Variants in FNDC3A observed in about 807,000 individuals in gnomAD.
The protein encoded by FNDC3A is fibronectin type III domain containing 3A.
Under a neutral mutation model 148.9 loss-of-function variants are expected in FNDC3A, and 32 were observed. That is an observed-to-expected ratio of 0.21 (90% confidence interval 0.16 to 0.29). FNDC3A has a LOEUF of 0.29. Ranked by LOEUF, FNDC3A falls within the 10% of genes least tolerant of loss-of-function variation. The probability of loss-of-function intolerance (pLI) is 1.00; values close to 1 mark genes in which losing one functional copy is unlikely to be tolerated. For missense variants in FNDC3A, 1,191 were observed against 1,452.8 expected (o/e 0.82, Z 2.93); for synonymous variants, 472 against 473.6 (o/e 1.00, Z 0.04).
At chr13:49,201,166 A>T (rs1336120143) in intron 23 of FNDC3A, 1 of 305,150 alleles carries the variant, frequency 3.3e-6, no homozygotes, top group Admixed American at 3.9e-5. Context: ...GATGCATTCA[A>T]CTTATAGATA....
chr13:49,006,239 G>A lies in FNDC3A; in HGVS notation c.49G>A (p.Asp17Asn), dbSNP rs1952218451. 2 of 1,610,138 alleles carry A rather than the reference G, an allele frequency of 1.2e-6. No individual in the cohort carries two copies. Among genetic ancestry groups the A allele is most frequent in the Non-Finnish European group, 1.7e-6 (2 of 1,177,140 alleles). ...LLDTTQILSSDISLLSAPIVS... is the reference protein window; with the variant it reads ...LLDTTQILSSNISLLSAPIVS... ...GGATACAACTCAGATCTTAAGTAGT[G>A]ATATTTCTCTTTTGTCTGCCCCTAT... The change falls in exon 2 of 26, where the codon GAT becomes AAT. Residue 17 changes from aspartate (D) to asparagine (N), a missense_variant. This residue lies in a region of FNDC3A where 426 missense variants were observed against 473.2 expected (regional missense o/e 0.90). Transcript: ENST00000492622.
At chr13:49,134,841 C>CT (rs1168216037) in intron 5 of FNDC3A, among the ~76,000 whole-genome samples, 1,286 of 2,634 alleles carry the variant, frequency 0.49, 573 homozygotes, top group South Asian at 0.58. Flanking sequence ...GAGTTTCACT[C>CT]TTTTTTTTTT....
At chr13:48,993,782 A>C (rs1400344627) in intron 1 of FNDC3A, among the ~76,000 whole-genome samples, 5 of 152,198 alleles carry the variant, frequency 3.3e-5, no homozygotes, top group Non-Finnish European at 7.3e-5. Context: ...CAGTTATTTC[A>C]GCTTTTCTGT....
chr13:49,009,942 C>T (rs931284361), intron 2 of FNDC3A, among the ~76,000 whole-genome samples: 2 of 152,102 alleles, frequency 1.3e-5, no homozygotes, highest in Non-Finnish European at 2.9e-5. Context: ...TATAACTTCC[C>T]GTCTCATTTG....
chr13:49,173,233 T>C (rs1884855323), intron 11 of FNDC3A, among the ~76,000 whole-genome samples: 1 of 152,140 alleles, frequency 6.6e-6, no homozygotes, highest in South Asian at 2.1e-4. Context: ...TGGAAGAAAT[T>C]CCATTGATAA....
intron 1 of FNDC3A, among the ~76,000 whole-genome samples, chr13:48,982,646 CA>C (rs1346692422): frequency 6.6e-6 from 1 of 152,188 alleles, no homozygotes; most frequent in African/African-American, 2.4e-5. Context: ...ATCGAAATCA[CA>C]ATACAATTCC....
intron 2 of FNDC3A, among the ~76,000 whole-genome samples, chr13:49,055,266 G>A (rs975274225): frequency 1.3e-5 from 2 of 152,040 alleles, no homozygotes; most frequent in African/African-American, 2.4e-5. Context: ...ACTACACCCA[G>A]CTAGTCTTAT....
chr13:49,055,855 C>T (rs561149074), intron 2 of FNDC3A, among the ~76,000 whole-genome samples: 2 of 152,044 alleles, frequency 1.3e-5, no homozygotes, highest in Non-Finnish European at 2.9e-5. Context: ...TCATGGGCCA[C>T]TAGTTACTCA....
chr13:49,019,142 T>C (rs1873085251), intron 2 of FNDC3A, among the ~76,000 whole-genome samples: 1 of 152,250 alleles, frequency 6.6e-6, no homozygotes, highest in African/African-American at 2.4e-5. Context: ...AGTTCGAGCT[T>C]CTGGGCTGCT....
chr13:49,088,309 T>C (rs1322788815), intron 3 of FNDC3A, among the ~76,000 whole-genome samples: 1 of 152,204 alleles, frequency 6.6e-6, no homozygotes, highest in Non-Finnish European at 1.5e-5. Context: ...CTCAAAATAT[T>C]TTTTTAGTTC....
chr13:49,022,186 A>T (rs1473609272), intron 2 of FNDC3A, among the ~76,000 whole-genome samples: 1 of 152,182 alleles, frequency 6.6e-6, no homozygotes, highest in Non-Finnish European at 1.5e-5. Context: ...TAGACCCTTC[A>T]TCGAGAATTG....
chr13:49,206,771 T>C (rs148704638), intron 25 of FNDC3A, among the ~76,000 whole-genome samples: 1 of 152,234 alleles, frequency 6.6e-6, no homozygotes, highest in Admixed American at 6.5e-5. Context: ...TTCTTACATT[T>C]GAGAAAAGCA....
intron 3 of FNDC3A, among the ~76,000 whole-genome samples, chr13:49,077,238 A>T (rs1297040785): frequency 6.6e-6 from 1 of 152,224 alleles, no homozygotes; most frequent in Non-Finnish European, 1.5e-5. Flanking sequence ...ATACCAGTGC[A>T]CTCCAGCCTG....
intron 5 of FNDC3A, among the ~76,000 whole-genome samples, chr13:49,132,747 A>G (rs186323785): frequency 9.9e-5 from 15 of 152,264 alleles, no homozygotes; most frequent in Middle Eastern, 3.4e-3. Flanking sequence ...CCCTGTGTAC[A>G]TGGTGTTCTC....
chr13:49,120,888 T>C (rs918474287), intron 4 of FNDC3A, among the ~76,000 whole-genome samples: 12 of 152,028 alleles, frequency 7.9e-5, no homozygotes, highest in Admixed American at 3.3e-4. Flanking sequence ...TCCCACACAA[T>C]AATAATGGGT....
intron 3 of FNDC3A, among the ~76,000 whole-genome samples, chr13:49,085,324 G>A (rs957116253): frequency 6.6e-6 from 1 of 152,156 alleles, no homozygotes; most frequent in Non-Finnish European, 1.5e-5. Flanking sequence ...GCAAAAGTTG[G>A]AGCTCCTGGC....
intron 13 of FNDC3A, among the ~76,000 whole-genome samples, chr13:49,176,683 C>T (rs1004318200): frequency 8.5e-5 from 13 of 152,236 alleles, no homozygotes; most frequent in Non-Finnish European, 4.4e-5. Context: ...AATCCTAATA[C>T]AATAAATATT....
chr13:49,120,407 C>T (rs906148948), intron 4 of FNDC3A, among the ~76,000 whole-genome samples: 2 of 152,132 alleles, frequency 1.3e-5, no homozygotes, highest in South Asian at 2.1e-4. Flanking sequence ...TAAAGACCAT[C>T]GACTCTATGA....
intron 2 of FNDC3A, among the ~76,000 whole-genome samples, chr13:49,070,881 C>T (rs201817377): frequency 9.9e-4 from 120 of 120,874 alleles, no homozygotes; most frequent in Middle Eastern, 0.01. Context: ...AACAGGATTT[C>T]TTTTTTTTTT....
Sources: gnomAD v4.1 joint callset for allele counts (sites outside exome capture counted in the v4.1 genomes callset) on GRCh38, gnomAD v4.1.1 for gene constraint, gnomAD v4.1.1 regional missense constraint, MANE v1.5 for transcripts, NCBI Gene and HGNC (gene_info 2026-07-23, HGNC 2026-07-21) for gene names.